TENM1: variants seen among roughly 807,000 people sequenced by gnomAD.
The protein encoded by TENM1 is teneurin-1.
In TENM1, 35 loss-of-function variants were observed where a neutral mutation model predicts 174.8. The observed-to-expected ratio is 0.20, with a 90% CI of 0.15 to 0.27. The LOEUF is 0.27. Ranked by LOEUF, TENM1 falls within the 10% of genes least tolerant of loss-of-function variation. TENM1 has a pLI of 1.00. For synonymous variants in TENM1, 781 were observed against 798.7 expected, an observed-to-expected ratio of 0.98 and a Z score of 0.37; for missense variants, 1,633 against 2,130.1, an observed-to-expected ratio of 0.77 and a Z score of 4.59.
the TENM1 span, among the ~76,000 whole-genome samples, chrX:125,027,857 C>T: frequency 4.5e-5 from 5 of 110,737 alleles, no homozygotes; most frequent in African/African-American, 1.3e-4. Flanking sequence ...TCTGAATTGA[C>T]GATAGACATG....
At chrX:124,513,304 C>T (rs959600698) in intron 18 of TENM1, among the ~76,000 whole-genome samples, 2 of 111,326 alleles carry the variant, frequency 1.8e-5, no homozygotes, top group Non-Finnish European at 3.8e-5. Context: ...CTCTCTGTGC[C>T]TTTCTTCCAT....
chrX:124,508,743 A>T (rs1230499843), intron 18 of TENM1, among the ~76,000 whole-genome samples: 1 of 111,763 alleles, frequency 8.9e-6, no homozygotes, highest in Non-Finnish European at 1.9e-5. Context: ...AAAAGCCAAC[A>T]TGGATAACCT....
chrX:125,101,291 A>AT, the TENM1 span, among the ~76,000 whole-genome samples: 17 of 110,449 alleles, frequency 1.5e-4, no homozygotes, highest in Admixed American at 9.6e-5. Context: ...AAAACAACCA[A>AT]TTTTTTTTTC....
At chrX:125,159,465 A>G in the TENM1 span, among the ~76,000 whole-genome samples, 4 of 112,139 alleles carry the variant, frequency 3.6e-5, no homozygotes, top group Non-Finnish European at 7.5e-5. Flanking sequence ...CTATTGTAAC[A>G]TCTATATCAT....
chrX:125,135,761 G>A, the TENM1 span, among the ~76,000 whole-genome samples: 1 of 111,821 alleles, frequency 8.9e-6, no homozygotes, highest in Non-Finnish European at 1.9e-5. Flanking sequence ...CTAATCTTTA[G>A]GATAGTTCAA....
the TENM1 span, among the ~76,000 whole-genome samples, chrX:125,082,951 T>C: frequency 9.0e-6 from 1 of 111,294 alleles, no homozygotes; most frequent in South Asian, 3.7e-4. Flanking sequence ...TATACTCTTG[T>C]AGTTATTTTA....
At chrX:124,605,611 C>T (rs2050136078) in intron 11 of TENM1, among the ~76,000 whole-genome samples, 1 of 111,199 alleles carries the variant, frequency 9.0e-6, no homozygotes, top group Non-Finnish European at 1.9e-5. Flanking sequence ...TATATTCAGC[C>T]TCTGAGGACT....
chrX:124,591,926 TC>T (rs775558099), intron 11 of TENM1, among the ~76,000 whole-genome samples: 1 of 112,193 alleles, frequency 8.9e-6, no homozygotes, highest in Non-Finnish European at 1.9e-5. Context: ...TTTTTATCAT[TC>T]TTTTTTATTT....
At chrX:124,619,174 T>C in intron 11 of TENM1, among the ~76,000 whole-genome samples, 1 of 112,512 alleles carries the variant, frequency 8.9e-6, no homozygotes, top group Non-Finnish European at 1.9e-5. Context: ...CTTTCTGCTA[T>C]GAATAAAACA....
chrX:124,697,872 T>C (rs2052688875), intron 5 of TENM1, among the ~76,000 whole-genome samples: 1 of 111,567 alleles, frequency 9.0e-6, no homozygotes, highest in African/African-American at 3.2e-5. Context: ...ATTCTTGTGA[T>C]TTCACATGTC....
At chrX:124,740,268 C>T (rs145325940) in intron 3 of TENM1, among the ~76,000 whole-genome samples, 60 of 111,826 alleles carry the variant, frequency 5.4e-4, no homozygotes, top group African/African-American at 1.9e-3. Flanking sequence ...TTTCTGTCAG[C>T]ACAGTTGTGC....
At chrX:124,904,912 T>A (rs2057721500) in intron 1 of TENM1, among the ~76,000 whole-genome samples, 1 of 111,956 alleles carries the variant, frequency 8.9e-6, no homozygotes, top group Admixed American at 9.5e-5. Context: ...ATATCCCAGA[T>A]AGAATTTATC....
intron 4 of TENM1, among the ~76,000 whole-genome samples, chrX:124,707,778 A>T (rs745411641): frequency 2.7e-5 from 3 of 112,051 alleles, no homozygotes; most frequent in Non-Finnish European, 3.8e-5. Flanking sequence ...TCTTGAGTAC[A>T]CTTATACTCC....
intron 11 of TENM1, among the ~76,000 whole-genome samples, chrX:124,578,151 C>A (rs2049217488): frequency 9.0e-6 from 1 of 111,072 alleles, no homozygotes; most frequent in Non-Finnish European, 1.9e-5. Flanking sequence ...TGGTCTTGAA[C>A]TCCTGGGCTC....
At chrX:125,120,740 A>G in the TENM1 span, among the ~76,000 whole-genome samples, 1 of 111,661 alleles carries the variant, frequency 9.0e-6, no homozygotes, top group African/African-American at 3.3e-5. Context: ...GTTGTATGGG[A>G]TATACCATGA....
At chrX:125,006,074 GTGGGTC>G in the TENM1 span, among the ~76,000 whole-genome samples, 1 of 112,010 alleles carries the variant, frequency 8.9e-6, no homozygotes, top group Non-Finnish European at 1.9e-5. Flanking sequence ...GTCTTGCTCA[GTGGGTC>G]TGACTCCCAC....
chrX:124,990,214 G>T, the TENM1 span, among the ~76,000 whole-genome samples: 1 of 110,557 alleles, frequency 9.0e-6, no homozygotes, highest in African/African-American at 3.3e-5. Flanking sequence ...CATATTATTT[G>T]CTCCCCTTCC....
At chrX:124,756,739 G>A (rs56887111) in intron 3 of TENM1, among the ~76,000 whole-genome samples, 1 of 112,005 alleles carries the variant, frequency 8.9e-6, no homozygotes, top group Non-Finnish European at 1.9e-5. Context: ...GTCTGTTGGA[G>A]TTTGCTAGAG....
At chrX:124,487,356 C>A (rs991738478) in intron 20 of TENM1, 127 bp from the exon 24 acceptor site, 42 of 568,390 alleles carry the variant, frequency 7.4e-5, no homozygotes, top group Non-Finnish European at 1.1e-4. Context: ...TAGAGAGACT[C>A]TATGGGGATC....
Sources: allele counts gnomAD v4.1 joint callset (sites outside exome capture counted in the v4.1 genomes callset), GRCh38; gene constraint gnomAD v4.1.1; transcripts MANE v1.5; gene names NCBI Gene and HGNC (gene_info 2026-07-23, HGNC 2026-07-21).